DCPS: variants seen among roughly 807,000 people sequenced by gnomAD.
DCPS encodes the protein m7GpppX diphosphatase.
DCPS carries 27 observed loss-of-function variants against 34.7 expected under a neutral mutation model. That is an observed-to-expected ratio of 0.78 (90% CI 0.57 to 1.07). The LOEUF (loss-of-function observed/expected upper bound fraction) is 1.07, where lower values mean the gene tolerates loss of function less well. Ranked by LOEUF, DCPS falls within the 50% of genes least tolerant of loss-of-function variation. DCPS has a pLI of 0.00. For synonymous variants in DCPS, 185 were observed against 185.7 expected (o/e 1.00, Z 0.03); for missense variants, 464 against 436.9 (o/e 1.06, Z -0.55).
intron 2 of DCPS, among the ~76,000 whole-genome samples, chr11:126,326,909 C>T (rs943520488): frequency 4.0e-5 from 6 of 148,832 alleles, no homozygotes; most frequent in Non-Finnish European, 4.5e-5. Flanking sequence ...GGCGACAGAG[C>T]GAGACTCTGT....
chr11:126,321,351 A>C (rs1489750036), intron 2 of DCPS, among the ~76,000 whole-genome samples: 1 of 151,876 alleles, frequency 6.6e-6, no homozygotes, highest in Non-Finnish European at 1.5e-5. Flanking sequence ...TGAGGTGTGG[A>C]GAGATGAGTG....
rs1951759733 is a variant in DCPS at position 126,328,815 on chromosome 11, C to T, written c.377-2590C>T. Among the ~76,000 whole-genome samples, 1 of 152,202 alleles carries T rather than the reference C, an allele frequency of 6.6e-6. No homozygotes were observed. Among genetic ancestry groups the T allele is most frequent in the South Asian group, 2.1e-4 (1 of 4,828 alleles). On this transcript the variant is annotated intron_variant, in intron 2 of 5. Transcript: ENST00000263579. The surrounding 1 kb of genome is among the most constrained non-coding windows in gnomAD (Gnocchi z 6.6). ...AATCCAAGCTAGCCTGGGGGGAGCG[C>T]TTTTCTCCATGTGAGGCACTTCCTG...
chr11:126,336,143 A>G lies in DCPS; in HGVS notation c.523-2143A>G, dbSNP rs1191745367. The stretch of plus-strand genomic sequence containing the variant: ...AAAAAAAAAAAAAAAAATGGCGACA[A>G]TGATAGCAGCCACCTCTCAGGGTTG... On this transcript the variant is annotated intron_variant, in intron 3 of 5. Coordinates refer to ENST00000263579, the MANE Select transcript of DCPS (RefSeq NM_014026.6). The surrounding 1 kb of genome is among the most constrained non-coding windows in gnomAD (Gnocchi z 6.3). Among the ~76,000 whole-genome samples the G allele has an allele frequency of 6.6e-6, 1 of 151,236 alleles. No homozygotes were observed. The highest frequency in any genetic ancestry group is 1.5e-5 in the Non-Finnish European group (1 of 67,894).
At position 126,336,848 on chromosome 11, in the gene DCPS, G is replaced by A. The variant is rs991706711; in HGVS notation, c.523-1438G>A. The A allele has an allele frequency of 2.6e-5, 4 of 152,294 alleles. No individual in the cohort carries two copies. Among genetic ancestry groups the A allele is most frequent in the African/African-American group, 9.7e-5 (4 of 41,434 alleles). 9.4% of individuals were successfully genotyped at this position (152,294 alleles called of 1,614,324 possible). On this transcript the variant is annotated intron_variant, in intron 3 of 5. Coordinates refer to ENST00000263579, the MANE Select transcript of DCPS (RefSeq NM_014026.6). This position sits in a 1 kb window ranked among gnomAD's most constrained non-coding sequence, Gnocchi z 6.3. ...TCATTCGGTTTCTTGGGAACTGCCT[G>A]TCTTTTGTTGTGAATGGACCACATT...
Position 126,347,536 on chromosome 11 carries a change from C to G in DCPS, c.*1923C>G, listed in dbSNP as rs1398085162. 6.6e-6 allele frequency among the ~76,000 whole-genome samples: 1 copy of G among 152,178 alleles called. No homozygotes were observed. Among genetic ancestry groups the G allele is most frequent in the Non-Finnish European group, 1.5e-5 (1 of 68,038 alleles). On this transcript the variant is annotated 3_prime_UTR_variant, in exon 6 of 6. Transcript: ENST00000263579. This position sits in a 1 kb window ranked among gnomAD's most constrained non-coding sequence, Gnocchi z 4.2. ...ACCGCGCCCAGCCCCTGCAATACGT[C>G]AACAGTCCCTAGATTCAGGCAACAT...
rs1748974448 is a variant in DCPS, at chr11:126,323,884, G to C, written c.377-7521G>C. Among the ~76,000 whole-genome samples, 1 of 152,182 alleles carries C rather than the reference G, an allele frequency of 6.6e-6. No homozygotes were observed. The highest frequency in any genetic ancestry group is 6.5e-5 in the Admixed American group (1 of 15,284). On this transcript the variant is annotated intron_variant, in intron 2 of 5. Coordinates refer to ENST00000263579, the MANE Select transcript of DCPS (RefSeq NM_014026.6). The surrounding 1 kb of genome is among the most constrained non-coding windows in gnomAD (Gnocchi z 4.4). ...CTTGCTCTGTTGCCCAGACTAGAGT[G>C]CAGTGGCGCCATCTCGGCTCACCGC...
chr11:126,321,135 A>G (rs1026927611), intron 2 of DCPS, among the ~76,000 whole-genome samples: 6 of 151,962 alleles, frequency 3.9e-5, no homozygotes. Context: ...CATGCCTGTC[A>G]TCCCAGCTAC....
rs1170889268 is a variant in DCPS, at chr11:126,312,247, A to G, written c.376+5503A>G. On this transcript the variant is annotated intron_variant, in intron 2 of 5. Transcript: ENST00000263579. This position sits in a 1 kb window ranked among gnomAD's most constrained non-coding sequence, Gnocchi z 5.1. ...CATCTGGCCAGAAGTGAAACTTTAAACAATGCTTACCCATCCGCTATGGCA... is the reference window on the plus strand; with the variant it reads ...CATCTGGCCAGAAGTGAAACTTTAAGCAATGCTTACCCATCCGCTATGGCA... 6.6e-6 allele frequency among the ~76,000 whole-genome samples: 1 copy of G among 152,154 alleles called. No individual in the cohort carries two copies. The highest frequency in any genetic ancestry group is 2.1e-4 in the South Asian group (1 of 4,826).
At chr11:126,326,377 C>T (rs1273314058) in intron 2 of DCPS, among the ~76,000 whole-genome samples, 6 of 152,168 alleles carry the variant, frequency 3.9e-5, no homozygotes, top group South Asian at 2.1e-4. Context: ...GAGCACCACA[C>T]GGGGCTGTGG....
intron 1 of DCPS, 102 bp downstream of exon 1, chr11:126,304,383 T>A: frequency 7.5e-7 from 1 of 1,331,408 alleles, no homozygotes; most frequent in Non-Finnish European, 1.1e-6. Flanking sequence ...AAAATACCAA[T>A]CATTATCACT....
Position 126,336,361 on chromosome 11 carries a change from A to G in DCPS, c.523-1925A>G, listed in dbSNP as rs532394680. The G allele has an allele frequency of 3.4e-4, 52 of 151,860 alleles. No homozygotes were observed. The highest frequency in any genetic ancestry group is 1.2e-3 in the African/African-American group (50 of 41,334). 9.4% of individuals were successfully genotyped at this position (151,860 alleles called of 1,614,324 possible). ...GGCATACCATCCCACCACCTTTGCC[A>G]CTCGTGGGGGTCTCCCTTATACTGG... On this transcript the variant is annotated intron_variant, in intron 3 of 5. Transcript: ENST00000263579. The surrounding 1 kb of genome is among the most constrained non-coding windows in gnomAD (Gnocchi z 6.3).
Position 126,333,030 on chromosome 11 carries a change from A to G in DCPS, c.522+1480A>G, listed in dbSNP as rs1322141636. Among the ~76,000 whole-genome samples the G allele has an allele frequency of 6.6e-6, 1 of 152,040 alleles. No homozygotes were observed. The highest frequency in any genetic ancestry group is 2.4e-5 in the African/African-American group (1 of 41,388). ...CTACTTTTTTGTATTTTTAGTAGAGATGGGGTTTTGCCATGTTGCTCAGGC... is the reference window on the plus strand; with the variant it reads ...CTACTTTTTTGTATTTTTAGTAGAGGTGGGGTTTTGCCATGTTGCTCAGGC... On this transcript the variant is annotated intron_variant, in intron 3 of 5. Transcript: ENST00000263579. The surrounding 1 kb of genome is among the most constrained non-coding windows in gnomAD (Gnocchi z 5.7).
rs1156303398 is a variant in DCPS at position 126,323,419 on chromosome 11, A to C, written c.377-7986A>C. On this transcript the variant is annotated intron_variant, in intron 2 of 5. Transcript: ENST00000263579. This position sits in a 1 kb window ranked among gnomAD's most constrained non-coding sequence, Gnocchi z 4.4. ...TAATATTATATATGCAAGCTGATGC[A>C]TGTATTTTTCAAAGCAGGTGTACTT... 6.6e-6 allele frequency among the ~76,000 whole-genome samples: 1 copy of C among 152,224 alleles called. No individual in the cohort carries two copies. Among genetic ancestry groups the C allele is most frequent in the Admixed American group, 6.5e-5 (1 of 15,280 alleles).
intron 5 of DCPS, among the ~76,000 whole-genome samples, chr11:126,343,665 C>A (rs1286600752): frequency 2.0e-5 from 3 of 152,172 alleles, no homozygotes; most frequent in African/African-American, 7.2e-5. Context: ...CACTTCCACC[C>A]CTCACCCCAT....
In DCPS at chr11:126,313,419, T is replaced by C. The variant is rs555972277; in HGVS notation, c.376+6675T>C. On this transcript the variant is annotated intron_variant, in intron 2 of 5. Transcript: ENST00000263579. This position sits in a 1 kb window ranked among gnomAD's most constrained non-coding sequence, Gnocchi z 4.9. Reference sequence around the variant, plus strand: ...GTTTGCTTGGTAGCATTGTTAATGATAGAACAAACTAGAAACAATCAAATA... The same window carrying C: ...GTTTGCTTGGTAGCATTGTTAATGACAGAACAAACTAGAAACAATCAAATA... Among the ~76,000 whole-genome samples, 4 of 152,228 alleles carry C rather than the reference T, an allele frequency of 2.6e-5. No homozygotes were observed. Among genetic ancestry groups the C allele is most frequent in the East Asian group, 3.9e-4 (2 of 5,182 alleles).
At position 126,337,821 on chromosome 11, in the gene DCPS, C is replaced by G. The variant is rs80326391; in HGVS notation, c.523-465C>G. On this transcript the variant is annotated intron_variant, in intron 3 of 5. Coordinates refer to ENST00000263579, the MANE Select transcript of DCPS (RefSeq NM_014026.6). The surrounding 1 kb of genome is among the most constrained non-coding windows in gnomAD (Gnocchi z 5.3). ...CTGCTCTGGTGGGTAGCTGGCCCCT[C>G]CACAGAAGGAAACCGTGGTGCCCTC... 6.2e-6 allele frequency: 1 copy of G among 160,010 alleles called. No individual in the cohort carries two copies. Among genetic ancestry groups the G allele is most frequent in the African/African-American group, 2.4e-5 (1 of 41,610 alleles). 9.9% of individuals were successfully genotyped at this position (160,010 alleles called of 1,614,324 possible). A position where few individuals can be genotyped will look rare whatever the true frequency, so the allele number is the denominator to read the frequency against.
intron 1 of DCPS, 132 bp from the exon 2 acceptor site, chr11:126,306,438 C>G: frequency 2.0e-6 from 2 of 1,017,410 alleles, no homozygotes; most frequent in Non-Finnish European, 2.8e-6. Context: ...GCTAGACTTC[C>G]CCAGAGGGAA....
intron 1 of DCPS, among the ~76,000 whole-genome samples, chr11:126,305,835 C>T (rs1951560406): frequency 6.6e-6 from 1 of 152,106 alleles, no homozygotes; most frequent in Non-Finnish European, 1.5e-5. Flanking sequence ...GTGTGCAGCA[C>T]CTGTTGAAGG....
intron 4 of DCPS, among the ~76,000 whole-genome samples, 188 bp from the exon 5 acceptor site, chr11:126,343,119 C>T (rs917631955): frequency 1.8e-4 from 27 of 150,512 alleles, no homozygotes; most frequent in Non-Finnish European, 3.2e-4. Flanking sequence ...TAGCAAGAAG[C>T]GTACACAGTA....
Sources: gnomAD v4.1 joint callset for allele counts (sites outside exome capture counted in the v4.1 genomes callset) on GRCh38, gnomAD v4.1.1 for gene constraint, Gnocchi (gnomAD v3.1) non-coding constraint, MANE v1.5 for transcripts, NCBI Gene and HGNC (gene_info 2026-07-23, HGNC 2026-07-21) for gene names.